CBR4: variants seen among roughly 807,000 people sequenced by gnomAD.
CBR4 encodes the protein carbonyl reductase 4.
In CBR4, 22 loss-of-function variants were observed where a neutral mutation model predicts 21.0. That is an observed-to-expected ratio of 1.05 (90% CI 0.75 to 1.50). The LOEUF (loss-of-function observed/expected upper bound fraction) is 1.50. CBR4 is among the 40% of genes most tolerant of loss of function. The pLI, the probability that CBR4 is intolerant of heterozygous loss-of-function variation, is 0.00. For synonymous variants in CBR4, 100 were observed against 104.4 expected (o/e 0.96, Z 0.26); for missense variants, 302 against 286.3 (o/e 1.05, Z -0.40).
At chr4:168,963,470 CTT>C (rs398064262) in intron 2 of CBR4, among the ~76,000 whole-genome samples, 64 of 137,448 alleles carry the variant, frequency 4.7e-4, no homozygotes, top group Non-Finnish European at 3.8e-4. Flanking sequence ...CTGTATAAAT[CTT>C]TTTTTTTTTT....
chr4:168,913,190 G>C (rs1759376052), intron 2 of CBR4, among the ~76,000 whole-genome samples: 1 of 148,696 alleles, frequency 6.7e-6, no homozygotes, highest in Non-Finnish European at 1.5e-5. Flanking sequence ...AGGCTGGAGT[G>C]CAGTGGCACC....
chr4:169,006,918 C>T, intron 2 of CBR4, 27 bp from the exon 3 acceptor site: 1 of 1,576,380 alleles, frequency 6.3e-7, no homozygotes, highest in Non-Finnish European at 8.7e-7. Flanking sequence ...CATATAATAG[C>T]ATATAATAAC....
rs78691323 is a variant in CBR4, at chr4:168,999,505, C to T, written c.535+2566G>A. Reference sequence around the variant, plus strand: ...TAAAGGCCACTCTATTAAATGGCCACATTTTCAGCTACAGGTTTTTATCTG... The same window carrying T: ...TAAAGGCCACTCTATTAAATGGCCATATTTTCAGCTACAGGTTTTTATCTG... On this transcript the variant is annotated intron_variant, in intron 4 of 4. Transcript: ENST00000306193. Among the ~76,000 whole-genome samples, 1,324 of 152,026 alleles carry T rather than the reference C, an allele frequency of 8.7e-3. 19 individuals are homozygous for T. Among genetic ancestry groups the T allele is most frequent in the African/African-American group, 0.03 (1,246 of 41,476 alleles).
At chr4:168,911,990 C>T (rs1316892895) in intron 2 of CBR4, among the ~76,000 whole-genome samples, 1 of 151,894 alleles carries the variant, frequency 6.6e-6, no homozygotes, top group Non-Finnish European at 1.5e-5. Context: ...TGTGTCTTTG[C>T]CTTTTCTGGG....
chr4:168,935,002 A>T (rs1040851085), intron 2 of CBR4, among the ~76,000 whole-genome samples: 1 of 152,238 alleles, frequency 6.6e-6, no homozygotes. Flanking sequence ...CCAAATGGGA[A>T]CAGCTCCGGT....
chr4:168,944,469 C>T (rs747160918), intron 2 of CBR4, among the ~76,000 whole-genome samples: 11 of 151,236 alleles, frequency 7.3e-5, no homozygotes, highest in Non-Finnish European at 1.3e-4. Flanking sequence ...CAAAGTGAGA[C>T]CCTGCCTCTA....
chr4:168,994,810 A>G (rs879830462), intron 4 of CBR4, among the ~76,000 whole-genome samples: 23 of 143,954 alleles, frequency 1.6e-4, no homozygotes, highest in Non-Finnish European at 2.7e-4. Flanking sequence ...GCTGGAGTAC[A>G]ATGGCATGAT....
Position 168,901,565 on chromosome 4 carries a change from T to G in CBR4, n.170-6800A>C, listed in dbSNP as rs1756519917. Among the ~76,000 whole-genome samples, 3 of 152,104 alleles carry G rather than the reference T, an allele frequency of 2.0e-5. No individual in the cohort carries two copies. In the South Asian group the frequency reaches 6.2e-4, roughly 31 times the overall value. On this transcript the variant is annotated intron_variant and non_coding_transcript_variant, in intron 2 of 3. Coordinates refer to the CBR4 transcript ENST00000509108. ...TACAGCTTCTTTTTTCCATCAGAAA[T>G]AGTCAACCATAGCCAGGCACAGTGG...
chr4:168,954,010 G>C (rs1763617642), intron 2 of CBR4, among the ~76,000 whole-genome samples: 1 of 152,016 alleles, frequency 6.6e-6, no homozygotes, highest in African/African-American at 2.4e-5. Context: ...CTCAAATATA[G>C]TTTGAAGATA....
chr4:168,952,822 G>A (rs1246579379), intron 2 of CBR4, among the ~76,000 whole-genome samples: 1 of 152,176 alleles, frequency 6.6e-6, no homozygotes, highest in Non-Finnish European at 1.5e-5. Context: ...AGAGGTGGCA[G>A]GGGGGTGAAA....
At chr4:168,976,607 G>A (rs1244253673) in intron 2 of CBR4, among the ~76,000 whole-genome samples, 1 of 152,174 alleles carries the variant, frequency 6.6e-6, no homozygotes, top group Non-Finnish European at 1.5e-5. Flanking sequence ...CCTTCTTAAG[G>A]GCAGGGAAGG....
chr4:168,924,444 G>T, intron 2 of CBR4: 1 of 1,598,852 alleles, frequency 6.3e-7, no homozygotes, highest in South Asian at 1.1e-5. Flanking sequence ...ATGAGAACCT[G>T]ATCCTTAACT....
intron 3 of CBR4, among the ~76,000 whole-genome samples, chr4:169,002,865 T>C (rs903019163): frequency 6.6e-5 from 10 of 152,158 alleles, no homozygotes; most frequent in Admixed American, 1.3e-4. Flanking sequence ...CTTTGTCACA[T>C]TTTGGTAATT....
chr4:168,905,790 C>CTTTTTTTTTTTTT (rs59427697), intron 2 of CBR4, among the ~76,000 whole-genome samples: 115 of 113,126 alleles, frequency 1.0e-3, no homozygotes, highest in South Asian at 1.2e-3. Flanking sequence ...GCTTTTTTTT[C>CTTTTTTTTTTTTT]TTTTTTTTTT....
Position 168,909,517 on chromosome 4 carries a change from C to T in CBR4, n.170-14752G>A, listed in dbSNP as rs967807585. ...TTTGGAATGGAAAAGTAACACACAA[C>T]TGAGTTAAATATAAAATGTTAGTTT... On this transcript the variant is annotated intron_variant and non_coding_transcript_variant, in intron 2 of 3. Transcript: ENST00000509108. Among the ~76,000 whole-genome samples the T allele has an allele frequency of 2.6e-5, 4 of 152,206 alleles. No individual in the cohort carries two copies. In the South Asian group the frequency reaches 8.3e-4, roughly 32 times the overall value.
chr4:168,925,299 A>C, intron 2 of CBR4: 2 of 1,567,896 alleles, frequency 1.3e-6, no homozygotes, highest in South Asian at 2.2e-5. Context: ...GGAACTTTGA[A>C]TTATTAGCAA....
intron 2 of CBR4, chr4:168,903,634 G>T: frequency 5.1e-6 from 4 of 789,786 alleles, no homozygotes; most frequent in South Asian, 2.9e-5. Flanking sequence ...CAGGTATTTG[G>T]TTTAACATTT....
At chr4:168,933,241 A>G (rs1763016758) in intron 2 of CBR4, among the ~76,000 whole-genome samples, 1 of 152,192 alleles carries the variant, frequency 6.6e-6, no homozygotes, top group African/African-American at 2.4e-5. Flanking sequence ...TAAAAAAACC[A>G]TGCAACTATA....
chr4:168,942,595 A>G (rs1021731042), intron 2 of CBR4, among the ~76,000 whole-genome samples: 1 of 152,084 alleles, frequency 6.6e-6, no homozygotes. Flanking sequence ...TAAGACCTCA[A>G]AAGCACAGGA....
Sources: gnomAD v4.1 joint callset for allele counts (sites outside exome capture counted in the v4.1 genomes callset) on GRCh38, gnomAD v4.1.1 for gene constraint, MANE v1.5 for transcripts, NCBI Gene and HGNC (gene_info 2026-07-23, HGNC 2026-07-21) for gene names.